Variants in SEC14L6 observed in about 807,000 individuals in gnomAD.
SEC14L6 encodes SEC14 like lipid binding 6.
A neutral mutation model predicts 54.1 loss-of-function variants in SEC14L6; 40 were observed. That is an observed-to-expected ratio of 0.74 (90% confidence interval 0.57 to 0.96). SEC14L6 has a LOEUF of 0.96. Ranked by LOEUF, SEC14L6 falls within the 40% of genes least tolerant of loss-of-function variation. The pLI is 0.00. For synonymous variants in SEC14L6, 171 were observed against 198.4 expected, an observed-to-expected ratio of 0.86 and a Z score of 1.16; for missense variants, 471 against 498.3, an observed-to-expected ratio of 0.95 and a Z score of 0.52.
intron 8 of SEC14L6, among the ~76,000 whole-genome samples, chr22:30,526,469 C>T (rs1210916485): frequency 1.3e-5 from 2 of 152,104 alleles, no homozygotes; most frequent in Admixed American, 6.5e-5. Context: ...ACAAAGTAGA[C>T]GAAAGCAGAG....
intron 1 of SEC14L6, chr22:30,543,424 A>G: frequency 1.2e-6 from 2 of 1,608,352 alleles, no homozygotes; most frequent in Non-Finnish European, 1.7e-6. Flanking sequence ...ACTACAGTTG[A>G]CCTGGTTGGA....
chr22:30,538,451 G>A (rs915453413), intron 2 of SEC14L6, among the ~76,000 whole-genome samples: 136 of 152,154 alleles, frequency 8.9e-4, no homozygotes, highest in Non-Finnish European at 3.4e-4. Flanking sequence ...CACTTATGGC[G>A]GGAAGCCAAC....
chr22:30,546,647 C>T lies in SEC14L6; in HGVS notation c.36G>A (p.Gln12=). 6.4e-7 allele frequency: 1 copy of T among 1,550,524 alleles called. No individual in the cohort carries two copies. The change falls in exon 1 of 12, where the codon CAG becomes CAA. Residue 12 remains glutamine, a synonymous_variant. Coordinates refer to ENST00000402034, the MANE Select transcript of SEC14L6 (RefSeq NM_001193336.4). The part of the protein sequence containing the change: ...SGQVGDLSPS[Q]EKSLAQFREN... ...CACTCACCTGGGCCAGCGACTTCTCCTGCGATGGGCTCAGGTCACCCACTT... is the reference window on the plus strand; with the variant it reads ...CACTCACCTGGGCCAGCGACTTCTCTTGCGATGGGCTCAGGTCACCCACTT...
At chr22:30,532,890 T>C in intron 3 of SEC14L6, 34 bp from the exon 4 acceptor site, 1 of 1,606,464 alleles carries the variant, frequency 6.2e-7, no homozygotes. Flanking sequence ...GTGAAGATTC[T>C]GCCTGTCCCA....
At chr22:30,535,535 G>T (rs1937115608) in intron 2 of SEC14L6, among the ~76,000 whole-genome samples, 1 of 152,222 alleles carries the variant, frequency 6.6e-6, no homozygotes, top group African/African-American at 2.4e-5. Flanking sequence ...GGGGCCATAG[G>T]CCCCAGGTCT....
chr22:30,543,272 T>C (rs1185401685), intron 1 of SEC14L6: 1 of 1,586,546 alleles, frequency 6.3e-7, no homozygotes, highest in Non-Finnish European at 8.7e-7. Flanking sequence ...CACGTCACCT[T>C]GCGGGGGGAC....
intron 1 of SEC14L6, among the ~76,000 whole-genome samples, chr22:30,539,310 G>C (rs527722281): frequency 2.6e-4 from 39 of 152,316 alleles, no homozygotes; most frequent in African/African-American, 7.9e-4. Flanking sequence ...CCAGGAGGCG[G>C]AGGTTGCAGT....
At chr22:30,542,237 G>A (rs1283195768) in intron 1 of SEC14L6, among the ~76,000 whole-genome samples, 1 of 152,174 alleles carries the variant, frequency 6.6e-6, no homozygotes, top group Non-Finnish European at 1.5e-5. Context: ...CCACCCCCAA[G>A]AGGGGCCTTC....
At chr22:30,540,753 T>C (rs1231025334) in intron 1 of SEC14L6, among the ~76,000 whole-genome samples, 1 of 148,958 alleles carries the variant, frequency 6.7e-6, no homozygotes, top group Non-Finnish European at 1.5e-5. Context: ...GTGCAGTGGC[T>C]CATACCTGTA....
intron 2 of SEC14L6, among the ~76,000 whole-genome samples, chr22:30,536,967 T>C (rs1454206586): frequency 7.5e-6 from 1 of 133,388 alleles, no homozygotes; most frequent in Non-Finnish European, 1.5e-5. Context: ...GAGGTTACAG[T>C]GAGCCAAGAT....
At chr22:30,527,215 T>C (rs1484815151) in intron 8 of SEC14L6, among the ~76,000 whole-genome samples, 1 of 151,902 alleles carries the variant, frequency 6.6e-6, no homozygotes, top group Non-Finnish European at 1.5e-5. Flanking sequence ...TCAGCCTCCA[T>C]AGCAGGAAAG....
At chr22:30,529,400 C>T (rs1936894273) in intron 6 of SEC14L6, 51 bp from the exon 7 acceptor site, 19 of 1,431,478 alleles carry the variant, frequency 1.3e-5, no homozygotes, top group Middle Eastern at 1.7e-4. Flanking sequence ...TGTCCCCTTG[C>T]ATCCCCTCTC....
At chr22:30,539,369 C>CAAGAG (rs2085657016) in intron 1 of SEC14L6, among the ~76,000 whole-genome samples, 3 of 152,058 alleles carry the variant, frequency 2.0e-5, no homozygotes, top group Non-Finnish European at 4.4e-5. Context: ...AAGAGTGAGA[C>CAAGAG]TTTGTCTCAA....
intron 1 of SEC14L6, chr22:30,543,019 C>G (rs1304579050): frequency 1.2e-6 from 2 of 1,601,428 alleles, no homozygotes; most frequent in African/African-American, 2.7e-5. Flanking sequence ...ACCCTCTGCC[C>G]CCGTGGTATC....
intron 1 of SEC14L6, chr22:30,542,604 C>A (rs1371123198): frequency 2.0e-6 from 3 of 1,514,954 alleles, no homozygotes; most frequent in African/African-American, 1.4e-5. Flanking sequence ...CCGGCCGCCT[C>A]GGGCCGCTGC....
intron 1 of SEC14L6, among the ~76,000 whole-genome samples, chr22:30,546,105 G>A (rs1305372376): frequency 1.3e-5 from 2 of 151,828 alleles, no homozygotes; most frequent in African/African-American, 4.8e-5. Context: ...CAAAAAGGCC[G>A]GGCATGGTGG....
intron 1 of SEC14L6, among the ~76,000 whole-genome samples, chr22:30,539,983 C>T (rs1393575577): frequency 6.6e-6 from 1 of 152,198 alleles, no homozygotes; most frequent in African/African-American, 2.4e-5. Flanking sequence ...GAAAAGAGCA[C>T]CGGACAAAGA....
In SEC14L6 at chr22:30,532,843, C is replaced by G. The variant is rs747632610; in HGVS notation, c.188G>C (p.Arg63Pro). 6.2e-7 allele frequency: 1 copy of G among 1,613,644 alleles called. No homozygotes were observed. The change falls in exon 4 of 12, where the codon CGG becomes CCG. Residue 63 changes from arginine to proline, a missense_variant. Transcript: ENST00000402034. ...EDMLRKHMEF[R>P]KQQDLANILA... Reference sequence around the variant, plus strand: ...GATGTTGGCCAGGTCTTGTTGCTTCCGGAACTCCATATGCTGCAGAGACAC... The same window carrying G: ...GATGTTGGCCAGGTCTTGTTGCTTCGGGAACTCCATATGCTGCAGAGACAC...
chr22:30,537,479 C>T (rs905342638), intron 2 of SEC14L6, among the ~76,000 whole-genome samples: 6 of 151,942 alleles, frequency 3.9e-5, no homozygotes, highest in South Asian at 2.1e-4. Flanking sequence ...ATTAGCCAGG[C>T]GTGGTGCCGA....
Sources: allele counts gnomAD v4.1 joint callset (sites outside exome capture counted in the v4.1 genomes callset), GRCh38; gene constraint gnomAD v4.1.1; transcripts MANE v1.5; gene names NCBI Gene and HGNC (gene_info 2026-07-23, HGNC 2026-07-21).